Variants in ZNF516 observed in about 807,000 individuals in gnomAD.
ZNF516 encodes the protein zinc finger protein 516.
ZNF516 carries 19 observed loss-of-function variants against 79.7 expected under a neutral mutation model. That is an observed-to-expected ratio of 0.24 (90% CI 0.17 to 0.35). ZNF516 has a LOEUF of 0.35. Ranked by LOEUF, ZNF516 falls within the 10% of genes least tolerant of loss-of-function variation. The pLI is 1.00. For missense variants in ZNF516, 1,678 were observed against 1,679.5 expected (o/e 1.00, Z 0.02); for synonymous variants, 877 against 739.5 (o/e 1.19, Z -3.02).
intron 3 of ZNF516, among the ~76,000 whole-genome samples, chr18:76,433,825 A>T (rs994756860): frequency 6.6e-6 from 1 of 152,220 alleles, no homozygotes; most frequent in Admixed American, 6.5e-5. Flanking sequence ...AGGCAGGTGC[A>T]GAATCATCAG....
rs748421078 is a variant in ZNF516 at position 76,442,642 on chromosome 18, C to T, written c.413G>A (p.Arg138Lys). ...GGCCTGCGAGGCCCCGTTCAGGACC[C>T]TGGCGCCGTCGGCCTGCGAGGCCCC... Reference protein sequence around the residue: ...LNGASQADGARVLNGASQADS... With the variant: ...LNGASQADGAKVLNGASQADS... The change falls in exon 3 of 7, where the codon AGG becomes AAG. Residue 138 changes from arginine (R) to lysine (K), a missense_variant. This residue lies in a region of ZNF516 where 279 missense variants were observed against 254.1 expected (regional missense o/e 1.10). Coordinates refer to ENST00000443185, the MANE Select transcript of ZNF516 (RefSeq NM_014643.4). 6.3e-7 allele frequency: 1 copy of T among 1,589,710 alleles called. No individual in the cohort carries two copies. Among genetic ancestry groups the T allele is most frequent in the East Asian group, 2.3e-5 (1 of 44,206 alleles).
chr18:76,413,460 GGAAGA>G (rs1326743736), intron 3 of ZNF516, among the ~76,000 whole-genome samples: 1 of 152,112 alleles, frequency 6.6e-6, no homozygotes, highest in African/African-American at 2.4e-5. Context: ...CTAGGACTAA[GGAAGA>G]GAAAAGGATC....
intron 1 of ZNF516, chr18:76,488,092 G>A (rs1029178943): frequency 6.0e-5 from 59 of 984,558 alleles, no homozygotes; most frequent in Non-Finnish European, 7.0e-5. Context: ...CACATCCCTC[G>A]GTGCCTCTCA....
chr18:76,437,087 C>CACACACACACACACACAT (rs1429590211), intron 3 of ZNF516, among the ~76,000 whole-genome samples: 68 of 147,046 alleles, frequency 4.6e-4, no homozygotes, highest in African/African-American at 1.7e-3. Flanking sequence ...CACACACACA[C>CACACACACACACACACAT]ACACACACAC....
At chr18:76,375,628 CTGGGAAGGCCCAAGA>C (rs1172061295) in intron 4 of ZNF516, among the ~76,000 whole-genome samples, 3 of 147,168 alleles carry the variant, frequency 2.0e-5, no homozygotes, top group East Asian at 2.1e-4. Flanking sequence ...CCTGGGAGAC[CTGGGAAGGCCCAAGA>C]TGGGAAGGCC....
chr18:76,421,612 A>T (rs1224193085), intron 3 of ZNF516, among the ~76,000 whole-genome samples: 1 of 152,198 alleles, frequency 6.6e-6, no homozygotes, highest in Non-Finnish European at 1.5e-5. Flanking sequence ...ATTCCACACT[A>T]AGTTCCTGGA....
chr18:76,450,402 G>C (rs973737134), intron 2 of ZNF516, among the ~76,000 whole-genome samples: 3 of 132,520 alleles, frequency 2.3e-5, no homozygotes, highest in East Asian at 2.4e-4. Context: ...AATAAATGCA[G>C]GTTGGGAAAC....
At chr18:76,376,671 T>C (rs1031324222) in intron 4 of ZNF516, among the ~76,000 whole-genome samples, 5 of 152,216 alleles carry the variant, frequency 3.3e-5, no homozygotes, top group Admixed American at 6.5e-5. Flanking sequence ...TCACTTCTAC[T>C]TTCTTAGAAA....
chr18:76,443,204 G>A lies in ZNF516; in HGVS notation c.-150C>T. On this transcript the variant is annotated 5_prime_UTR_variant, in exon 3 of 7. Transcript: ENST00000443185. Reference sequence around the variant, plus strand: ...TACATGGGGGGCGCAGCAGCTGGCAGCCAGCACCTGAAACAGAGATGGAAC... The same window carrying A: ...TACATGGGGGGCGCAGCAGCTGGCAACCAGCACCTGAAACAGAGATGGAAC... 8.4e-7 allele frequency: 1 copy of A among 1,188,652 alleles called. No homozygotes were observed. The highest frequency in any genetic ancestry group is 1.1e-6 in the Non-Finnish European group (1 of 883,680). The allele number at this position is 1,188,652 out of a possible 1,614,324, so 73.6% of individuals were successfully genotyped here.
intron 3 of ZNF516, 105 bp from the exon 4 acceptor site, chr18:76,380,408 G>C (rs2074872434): frequency 6.9e-7 from 1 of 1,444,048 alleles, no homozygotes; most frequent in Non-Finnish European, 9.2e-7. Context: ...TCTGTCTTCA[G>C]CGGGAGAAGC....
intron 3 of ZNF516, among the ~76,000 whole-genome samples, chr18:76,381,366 T>C (rs3991209): frequency 0.47 from 71,368 of 151,958 alleles, 16,814 homozygotes; most frequent in Middle Eastern, 0.57. Flanking sequence ...CTCTGAACTA[T>C]AAAACACAGG....
At chr18:76,422,336 G>A (rs916699891) in intron 3 of ZNF516, among the ~76,000 whole-genome samples, 5 of 152,300 alleles carry the variant, frequency 3.3e-5, no homozygotes, top group East Asian at 3.9e-4. Context: ...AGCAGACCAC[G>A]GTCTCCAGGG....
intron 1 of ZNF516, among the ~76,000 whole-genome samples, chr18:76,471,979 A>G (rs62110932): frequency 0.14 from 21,875 of 152,164 alleles, 1,979 homozygotes; most frequent in South Asian, 0.25. Context: ...CATCCAGTGG[A>G]TGGACCAAGT....
rs138764151 is a variant in ZNF516, at chr18:76,484,468, A to G, written c.-272+10676T>C. Among the ~76,000 whole-genome samples, 448 of 152,330 alleles carry G rather than the reference A, an allele frequency of 2.9e-3. 2 individuals carry two copies. Among genetic ancestry groups the G allele is most frequent in the African/African-American group, 9.9e-3 (412 of 41,566 alleles). On this transcript the variant is annotated intron_variant, in intron 1 of 6. Transcript: ENST00000443185. ...AAGTCAATGTAACACTCCTAACGATATAACACCGTGCTCTAAAATGGCGGC... is the reference window on the plus strand; with the variant it reads ...AAGTCAATGTAACACTCCTAACGATGTAACACCGTGCTCTAAAATGGCGGC...
intron 3 of ZNF516, among the ~76,000 whole-genome samples, chr18:76,416,367 T>C (rs1297775307): frequency 6.6e-6 from 1 of 152,258 alleles, no homozygotes; most frequent in Non-Finnish European, 1.5e-5. Flanking sequence ...TGTGATGTTC[T>C]TGGGCAGAGC....
At position 76,442,854 on chromosome 18, in the gene ZNF516, G is replaced by A. The variant is rs201467648; in HGVS notation, c.201C>T (p.Cys67=). 3 of 1,613,460 alleles carry A rather than the reference G, an allele frequency of 1.9e-6. No homozygotes were observed. The highest frequency in any genetic ancestry group is 2.2e-5 in the East Asian group (1 of 44,858). Residue 67 remains cysteine, a synonymous_variant, in exon 3 of 7, where the codon TGC becomes TGT. Coordinates refer to ENST00000443185, the MANE Select transcript of ZNF516 (RefSeq NM_014643.4). ...TGEKPYKCPY[C]DHRASQKGNL... ...TGCCCTTCTGGGAAGCCCGGTGGTCGCAGTAGGGACACTTGTAGGGCTTCT... is the reference window on the plus strand; with the variant it reads ...TGCCCTTCTGGGAAGCCCGGTGGTCACAGTAGGGACACTTGTAGGGCTTCT...
In ZNF516 at chr18:76,442,539, T is replaced by G. The variant is rs1365456231; in HGVS notation, c.516A>C (p.Ala172=). The change falls in exon 3 of 7, where the codon GCA becomes GCC. Residue 172 remains alanine (A), a synonymous_variant. Transcript: ENST00000443185. ...TCTTGCAGAAGGAGCACTGGACCGC[T>G]GCCTTGGCCTCCCCCGGGGCGCATG... ...GSACAPGEAK[A]AVQCSFCKSQ... The G allele has an allele frequency of 6.3e-7, 1 of 1,599,678 alleles. No homozygotes were observed. The highest frequency in any genetic ancestry group is 2.2e-5 in the East Asian group (1 of 44,854).
chr18:76,371,337 G>A (rs947666411), intron 5 of ZNF516, 130 bp downstream of exon 5: 3 of 887,954 alleles, frequency 3.4e-6, no homozygotes, highest in Non-Finnish European at 5.1e-6. Context: ...GGAGGCAGAT[G>A]GCAGGCCCCC....
intron 3 of ZNF516, among the ~76,000 whole-genome samples, chr18:76,426,938 C>T (rs892692523): frequency 2.6e-5 from 4 of 152,300 alleles, no homozygotes; most frequent in African/African-American, 9.6e-5. Flanking sequence ...ATCCTGGAAC[C>T]GAGGCGGGGT....
Sources: gnomAD v4.1 joint callset for allele counts (sites outside exome capture counted in the v4.1 genomes callset) on GRCh38, gnomAD v4.1.1 for gene constraint, gnomAD v4.1.1 regional missense constraint, MANE v1.5 for transcripts, NCBI Gene and HGNC (gene_info 2026-07-23, HGNC 2026-07-21) for gene names.